The following ABLIM1 variants were observed in gnomAD, a reference collection of about 807,000 sequenced individuals.
ABLIM1 encodes the protein actin-binding LIM protein 1.
A neutral mutation model predicts 107.0 loss-of-function variants in ABLIM1; 40 were observed. The observed-to-expected ratio is 0.37, with a 90% CI of 0.29 to 0.49. ABLIM1 has a LOEUF of 0.49. ABLIM1 is among the 20% of genes least tolerant of loss of function. The pLI is 0.97. For synonymous variants in ABLIM1, 357 were observed against 357.3 expected, an observed-to-expected ratio of 1.00 and a Z score of 0.01; for missense variants, 857 against 1,008.5, an observed-to-expected ratio of 0.85 and a Z score of 2.04.
At chr10:114,536,573 T>C (rs972298747) in intron 6 of ABLIM1, among the ~76,000 whole-genome samples, 10 of 152,192 alleles carry the variant, frequency 6.6e-5, no homozygotes, top group African/African-American at 2.4e-4. Context: ...CATAACGTTT[T>C]CAAGGTTCCT....
upstream of ABLIM1, among the ~76,000 whole-genome samples, chr10:114,687,760 A>G (rs1241001007): frequency 4.6e-5 from 7 of 152,228 alleles, no homozygotes; most frequent in African/African-American, 7.2e-5. Context: ...AGCAGAAGAG[A>G]CAGAAACTTG....
At chr10:114,701,737 C>A (rs2081311980) in intron 1 of ABLIM1, among the ~76,000 whole-genome samples, 2 of 152,118 alleles carry the variant, frequency 1.3e-5, no homozygotes, top group South Asian at 4.1e-4. Flanking sequence ...CCTTGATTGT[C>A]TGGGAGTGAG....
At chr10:114,477,319 C>G (rs1194562310) in intron 8 of ABLIM1, among the ~76,000 whole-genome samples, 1 of 152,160 alleles carries the variant, frequency 6.6e-6, no homozygotes, top group African/African-American at 2.4e-5. Context: ...ACTGCAATAG[C>G]TCACTGGGTT....
intron 17 of ABLIM1, among the ~76,000 whole-genome samples, chr10:114,443,672 T>TAAAAAA (rs11418258): frequency 1.9e-5 from 2 of 107,342 alleles, no homozygotes; most frequent in African/African-American, 3.5e-5. Flanking sequence ...TCATGTTATC[T>TAAAAAA]AAAAAAAAAA....
intron 6 of ABLIM1, among the ~76,000 whole-genome samples, chr10:114,540,506 T>C (rs564374788): frequency 6.6e-6 from 1 of 152,032 alleles, no homozygotes; most frequent in Non-Finnish European, 1.5e-5. Flanking sequence ...CTTACAAGGA[T>C]TAAGGAATGA....
intron 6 of ABLIM1, among the ~76,000 whole-genome samples, chr10:114,492,309 A>G (rs2059115854): frequency 6.6e-6 from 1 of 152,214 alleles, no homozygotes; most frequent in Admixed American, 6.5e-5. Flanking sequence ...ATCTGAAAAT[A>G]ATAAAATCTA....
chr10:114,693,279 AG>A (rs1266580947), intron 1 of ABLIM1, among the ~76,000 whole-genome samples: 2 of 152,234 alleles, frequency 1.3e-5, no homozygotes, highest in Admixed American at 1.3e-4. Context: ...CTTCATCTGA[AG>A]AAAGGGTTCC....
At chr10:114,509,149 C>A (rs1484064747) in intron 6 of ABLIM1, among the ~76,000 whole-genome samples, 1 of 152,176 alleles carries the variant, frequency 6.6e-6, no homozygotes, top group Non-Finnish European at 1.5e-5. Context: ...AAACCGCACA[C>A]CCTGGAGCTA....
intron 1 of ABLIM1, among the ~76,000 whole-genome samples, chr10:114,603,261 T>G (rs954098191): frequency 1.3e-5 from 2 of 152,228 alleles, no homozygotes; most frequent in African/African-American, 2.4e-5. Context: ...ACTGTTTCTC[T>G]CAGACCTCAG....
chr10:114,508,787 T>C (rs1362286931), intron 6 of ABLIM1, among the ~76,000 whole-genome samples: 1 of 152,206 alleles, frequency 6.6e-6, no homozygotes, highest in African/African-American at 2.4e-5. Context: ...ACAAGCCTTA[T>C]ATAGGAAAAT....
At chr10:114,540,351 G>T (rs180814540) in intron 6 of ABLIM1, among the ~76,000 whole-genome samples, 2 of 152,290 alleles carry the variant, frequency 1.3e-5, no homozygotes, top group East Asian at 3.9e-4. Flanking sequence ...AGAAAACTGA[G>T]GCTCAAAGAA....
intron 1 of ABLIM1, among the ~76,000 whole-genome samples, chr10:114,693,061 A>T (rs1241147463): frequency 6.6e-6 from 1 of 152,232 alleles, no homozygotes; most frequent in Admixed American, 6.5e-5. Context: ...CCCATGTTTT[A>T]TTCCTTTGAG....
intron 6 of ABLIM1, among the ~76,000 whole-genome samples, chr10:114,522,217 T>C (rs559098586): frequency 6.6e-6 from 1 of 152,342 alleles, no homozygotes; most frequent in South Asian, 2.1e-4. Flanking sequence ...TTCCAAGGTT[T>C]AAAGGCAAAA....
At chr10:114,527,030 G>T in intron 6 of ABLIM1, 1 of 939,664 alleles carries the variant, frequency 1.1e-6, no homozygotes, top group Non-Finnish European at 1.3e-6. Flanking sequence ...TTAAATGCAG[G>T]TAGGAAAGTA....
chr10:114,785,969 T>C, the ABLIM1 span, among the ~76,000 whole-genome samples: 1 of 152,236 alleles, frequency 6.6e-6, no homozygotes, highest in African/African-American at 2.4e-5. Flanking sequence ...TCTCAGGTGA[T>C]CCACCCGCCT....
intron 1 of ABLIM1, among the ~76,000 whole-genome samples, chr10:114,734,523 C>A (rs922813686): frequency 6.6e-6 from 1 of 152,040 alleles, no homozygotes; most frequent in African/African-American, 2.4e-5. Flanking sequence ...CACCTTGTTC[C>A]CCCAATCCTC....
At chr10:114,479,980 A>C (rs2057091395) in intron 8 of ABLIM1, among the ~76,000 whole-genome samples, 1 of 152,246 alleles carries the variant, frequency 6.6e-6, no homozygotes, top group Non-Finnish European at 1.5e-5. Flanking sequence ...GCTGTTCTCC[A>C]ACACATTAAC....
rs1230583773 is a variant in ABLIM1 at position 114,434,420 on chromosome 10, T to G, written c.*1840A>C. 6.6e-6 allele frequency: 1 copy of G among 151,874 alleles called. No individual in the cohort carries two copies. 9.4% of individuals were successfully genotyped at this position (151,874 alleles called of 1,614,324 possible). A position where few individuals can be genotyped will look rare whatever the true frequency, so the allele number is the denominator to read the frequency against. Reference sequence around the variant, plus strand: ...AGCACAGGAGGATGCTATAGAACAGTGACTGTTCATTCCATCCCCCAAATG... The same window carrying G: ...AGCACAGGAGGATGCTATAGAACAGGGACTGTTCATTCCATCCCCCAAATG... On this transcript the variant is annotated 3_prime_UTR_variant, in exon 23 of 23. Transcript: ENST00000533213.
intron 6 of ABLIM1, among the ~76,000 whole-genome samples, chr10:114,542,228 G>A (rs567302009): frequency 1.3e-5 from 2 of 152,002 alleles, no homozygotes; most frequent in Non-Finnish European, 2.9e-5. Context: ...GGACAATAGA[G>A]TGAGACTCCC....
Sources: gnomAD v4.1 joint callset for allele counts (sites outside exome capture counted in the v4.1 genomes callset) on GRCh38, gnomAD v4.1.1 for gene constraint, MANE v1.5 for transcripts, NCBI Gene and HGNC (gene_info 2026-07-23, HGNC 2026-07-21) for gene names.